Variants in ZNF787 observed in about 807,000 individuals in gnomAD.
The protein encoded by ZNF787 is zinc finger protein 787, also known as TTF-I-interacting peptide 20.
A neutral mutation model predicts 16.9 loss-of-function variants in ZNF787; 7 were observed. The observed-to-expected ratio is 0.42, with a 90% confidence interval of 0.24 to 0.78. The LOEUF (loss-of-function observed/expected upper bound fraction) is 0.78. Ranked by LOEUF, ZNF787 falls within the 30% of genes least tolerant of loss-of-function variation. The pLI, the probability that ZNF787 is intolerant of heterozygous loss-of-function variation, is 0.30. For missense variants in ZNF787, 551 were observed against 589.3 expected, an observed-to-expected ratio of 0.94 and a Z score of 0.67; for synonymous variants, 345 against 270.9, an observed-to-expected ratio of 1.27 and a Z score of -2.69.
chr19:56,093,912 C>A (rs1985761539), intron 2 of ZNF787, among the ~76,000 whole-genome samples: 1 of 152,236 alleles, frequency 6.6e-6, no homozygotes, highest in African/African-American at 2.4e-5. Flanking sequence ...TGAGTTTTTA[C>A]TATCCGCTCT....
At chr19:56,092,525 C>CT (rs5828673) in intron 2 of ZNF787, among the ~76,000 whole-genome samples, 119,699 of 143,068 alleles carry the variant, frequency 0.84, 51,368 homozygotes, top group Non-Finnish European at 0.96. Flanking sequence ...TCTGGAAATG[C>CT]TTTTTTTTTT....
At position 56,088,003 on chromosome 19, in the gene ZNF787, C is replaced by G. The variant is rs765996559; in HGVS notation, c.*20G>C. On this transcript the variant is annotated 3_prime_UTR_variant, in exon 3 of 3. Transcript: ENST00000610935. This position sits in a 1 kb window ranked among gnomAD's most constrained non-coding sequence, Gnocchi z 8.6. ...CCAAGCCCGAGGGGCCCTGCCCGCC[C>G]CCCCCCCCGGGCCCCTCCCCTACCG... is the stretch of plus-strand genomic sequence containing the variant. 3.5e-5 allele frequency: 35 copies of G among 988,910 alleles called. No individual in the cohort carries two copies. The African/African-American group carries it at 8.0e-4, about 23-fold the overall frequency. The allele number at this position is 988,910 out of a possible 1,614,324, so 61.3% of individuals were successfully genotyped here. A position where few individuals can be genotyped will look rare whatever the true frequency, so the allele number is the denominator to read the frequency against.
intron 1 of ZNF787, among the ~76,000 whole-genome samples, chr19:56,116,458 T>C (rs2030141693): frequency 6.6e-6 from 1 of 150,586 alleles, no homozygotes; most frequent in African/African-American, 2.4e-5. Flanking sequence ...AATAAATAAA[T>C]AAATAAAGCC....
rs772280742 is a variant in ZNF787 at position 56,088,829 on chromosome 19, T to C, written c.343A>G (p.Ile115Val). 3 of 1,611,134 alleles carry C rather than the reference T, an allele frequency of 1.9e-6. No homozygotes were observed. Among genetic ancestry groups the C allele is most frequent in the Non-Finnish European group, 2.5e-6 (3 of 1,178,826 alleles). Residue 115 changes from isoleucine to valine, a missense_variant, in exon 3 of 3, where the codon ATC becomes GTC. Ile to Val is a conservative substitution (Grantham distance 29). Coordinates refer to ENST00000610935, the MANE Select transcript of ZNF787 (RefSeq NM_001002836.4). This position sits in a 1 kb window ranked among gnomAD's most constrained non-coding sequence, Gnocchi z 8.6. ...GCGTAGGGCTTCTCGCCCGTGTGGATGCGCCGGTGCTGCACCAGGTGCGAG... is the reference window on the plus strand; with the variant it reads ...GCGTAGGGCTTCTCGCCCGTGTGGACGCGCCGGTGCTGCACCAGGTGCGAG... ...QSSHLVQHRR[I>V]HTGEKPYACL... is the part of the protein sequence containing the mutation.
intron 1 of ZNF787, among the ~76,000 whole-genome samples, chr19:56,110,940 A>AG (rs1005194378): frequency 1.3e-5 from 2 of 152,306 alleles, no homozygotes; most frequent in East Asian, 1.9e-4. Context: ...ATAGCTGGGT[A>AG]GGGGGGTAGT....
rs756045963 is a variant in ZNF787 at position 56,088,203 on chromosome 19, C to G, written c.969G>C (p.Gly323=). 5.9e-6 allele frequency: 9 copies of G among 1,534,446 alleles called. No homozygotes were observed. Among genetic ancestry groups the G allele is most frequent in the Non-Finnish European group, 7.8e-6 (9 of 1,146,702 alleles). Residue 323 remains glycine (G), a synonymous_variant, in exon 3 of 3, where the codon GGG becomes GGC. Coordinates refer to ENST00000610935, the MANE Select transcript of ZNF787 (RefSeq NM_001002836.4). This position sits in a 1 kb window ranked among gnomAD's most constrained non-coding sequence, Gnocchi z 8.6. The stretch of plus-strand genomic sequence containing the variant: ...GCGCGGCGCCCTGCACGAAGCCCTC[C>G]CCGCACTCCACGCAGATGTGGGCCG... ...EEPAHICVEC[G]EGFVQGAALR...
chr19:56,105,663 C>T (rs2123414957), intron 1 of ZNF787, among the ~76,000 whole-genome samples: 1 of 152,264 alleles, frequency 6.6e-6, no homozygotes, highest in Non-Finnish European at 1.5e-5. Flanking sequence ...GAGGCACAGC[C>T]TCCCACTGCC....
intron 1 of ZNF787, among the ~76,000 whole-genome samples, chr19:56,108,848 T>C (rs927260609): frequency 6.6e-6 from 1 of 152,136 alleles, no homozygotes; most frequent in Admixed American, 6.5e-5. Context: ...GAGTTCAGGC[T>C]AAACTGCCAT....
chr19:56,099,582 G>A (rs1034363236), intron 2 of ZNF787, among the ~76,000 whole-genome samples: 6 of 151,968 alleles, frequency 3.9e-5, no homozygotes, highest in African/African-American at 1.2e-4. Context: ...ATGGTGGCGG[G>A]TGCCTGTAAT....
At chr19:56,113,255 G>C (rs117677883) in intron 1 of ZNF787, among the ~76,000 whole-genome samples, 1 of 152,128 alleles carries the variant, frequency 6.6e-6, no homozygotes, top group Non-Finnish European at 1.5e-5. Context: ...TGAGGACCAG[G>C]AGAAGTGGGG....
chr19:56,113,695 A>AC (rs1568535513), intron 1 of ZNF787, among the ~76,000 whole-genome samples: 7 of 133,814 alleles, frequency 5.2e-5, no homozygotes, highest in African/African-American at 2.8e-4. Context: ...GGACGCAGGG[A>AC]GGCAGGGAGG....
At chr19:56,118,793 T>C (rs779069367) in intron 1 of ZNF787, among the ~76,000 whole-genome samples, 2 of 152,106 alleles carry the variant, frequency 1.3e-5, no homozygotes, top group Admixed American at 6.5e-5. Context: ...GAAACATGTC[T>C]GAGGATGGGT....
chr19:56,104,664 G>C (rs893834485), intron 1 of ZNF787, among the ~76,000 whole-genome samples: 2 of 152,040 alleles, frequency 1.3e-5, no homozygotes, highest in East Asian at 1.9e-4. Flanking sequence ...CCACCAACCC[G>C]TGACTGTGAA....
chr19:56,110,981 C>G (rs1227552259), intron 1 of ZNF787, among the ~76,000 whole-genome samples: 1 of 152,204 alleles, frequency 6.6e-6, no homozygotes, highest in East Asian at 1.9e-4. Flanking sequence ...AGGGGCTGAC[C>G]CCGGGCGGGG....
chr19:56,118,543 C>G (rs1183871968), intron 1 of ZNF787, among the ~76,000 whole-genome samples: 1 of 152,120 alleles, frequency 6.6e-6, no homozygotes, highest in Non-Finnish European at 1.5e-5. Context: ...CAAGTGCCAT[C>G]CAGAGCCTCC....
chr19:56,108,833 TG>T (rs1488212096), intron 1 of ZNF787, among the ~76,000 whole-genome samples: 1 of 152,158 alleles, frequency 6.6e-6, no homozygotes, highest in Non-Finnish European at 1.5e-5. Flanking sequence ...GTGCCTCGGA[TG>T]GAAGAGTTCA....
At chr19:56,105,985 C>G (rs375352073) in intron 1 of ZNF787, among the ~76,000 whole-genome samples, 118 of 115,010 alleles carry the variant, frequency 1.0e-3, no homozygotes, top group East Asian at 7.5e-3. Context: ...CGCGCATTCC[C>G]CCCTCCGCGC....
At chr19:56,103,312 C>A (rs1568529704) in intron 1 of ZNF787, 85 bp from the exon 2 acceptor site, 2 of 1,235,826 alleles carry the variant, frequency 1.6e-6, no homozygotes, top group East Asian at 2.5e-5. Flanking sequence ...AGCCTGCAGA[C>A]CCCGGCGTGA....
chr19:56,094,181 G>T, intron 2 of ZNF787, among the ~76,000 whole-genome samples: 1 of 140,416 alleles, frequency 7.1e-6, no homozygotes, highest in South Asian at 2.2e-4. Context: ...GAGCCATCAT[G>T]CCCGGCTTTT....
Sources: allele counts gnomAD v4.1 joint callset (sites outside exome capture counted in the v4.1 genomes callset), GRCh38; gene constraint gnomAD v4.1.1; non-coding constraint Gnocchi (gnomAD v3.1); transcripts MANE v1.5; gene names NCBI Gene and HGNC (gene_info 2026-07-23, HGNC 2026-07-21).